AK9: variants seen among roughly 807,000 people sequenced by gnomAD.
AK9 encodes adenylate kinase 9, also known as adenylate kinase domain containing 1.
AK9 carries 191 observed loss-of-function variants against 239.6 expected under a neutral mutation model. The ratio of observed to expected loss-of-function variants is 0.80; its 90% CI spans 0.71 to 0.90. AK9 has a LOEUF of 0.90. Ranked by LOEUF, AK9 falls within the 40% of genes least tolerant of loss-of-function variation. The pLI is 0.00. For synonymous variants in AK9, 689 were observed against 721.0 expected (o/e 0.96, Z 0.71); for missense variants, 1,995 against 2,214.7 (o/e 0.90, Z 1.99).
rs756563989 is a variant in AK9 at position 109,671,923 on chromosome 6, G to A, written c.327C>T (p.His109=). 8 of 1,613,128 alleles carry A rather than the reference G, an allele frequency of 5.0e-6. No individual in the cohort carries two copies. The African/African-American group carries it at 8.0e-5, about 16-fold the overall frequency. ...AATATATTAAAATAAACATACCAAA[G>A]TGACAGACTTCTGGGGAGTTGAGCT... The part of the protein sequence containing the change: ...LEKLNSPEVC[H]FGYIITEIPS... The change falls in exon 5 of 41, where the codon CAC becomes CAT. Residue 109 remains histidine (H), a synonymous_variant. Transcript: ENST00000424296.
chr6:109,669,773 C>A (rs1288500457), intron 5 of AK9, among the ~76,000 whole-genome samples: 2 of 152,156 alleles, frequency 1.3e-5, no homozygotes, highest in African/African-American at 2.4e-5. Context: ...GATTTTCAAA[C>A]TGTATTTAGC....
rs1242783156 is a variant in AK9 at position 109,573,558 on chromosome 6, A to G, written c.2228T>C (p.Ile743Thr). Residue 743 changes from isoleucine to threonine, a missense_variant, in exon 21 of 41, where the codon ATT becomes ACT. Ile to Thr is a moderately conservative substitution (Grantham distance 89). This residue lies in a region of AK9 where 1,290 missense variants were observed against 1,392.7 expected (regional missense o/e 0.93). Coordinates refer to ENST00000424296, the MANE Select transcript of AK9 (RefSeq NM_001145128.3). The stretch of plus-strand genomic sequence containing the variant: ...GTGAACTTCCAACTCATCACCTTCA[A>G]TCTCCTCTTCATCCTCATTATCAGT... Reference protein sequence around the residue: ...EETDNEDEEEIEGDELEVHEE... With the variant: ...EETDNEDEEETEGDELEVHEE... 2 of 1,550,748 alleles carry G rather than the reference A, an allele frequency of 1.3e-6. No individual in the cohort carries two copies. The highest frequency in any genetic ancestry group is 2.4e-5 in the South Asian group (2 of 83,894).
At chr6:109,549,007 G>T (rs1783970497) in intron 25 of AK9, among the ~76,000 whole-genome samples, 1 of 152,068 alleles carries the variant, frequency 6.6e-6, no homozygotes, top group Non-Finnish European at 1.5e-5. Context: ...CTTCTGGAGG[G>T]CCAAAGAGCA....
chr6:109,576,988 G>A (rs982163101), intron 20 of AK9, among the ~76,000 whole-genome samples: 1 of 151,836 alleles, frequency 6.6e-6, no homozygotes, highest in Non-Finnish European at 1.5e-5. Context: ...CCGCCACCAC[G>A]CCCGGCTAAT....
At chr6:109,575,636 A>G (rs1270532738) in intron 20 of AK9, among the ~76,000 whole-genome samples, 1 of 151,594 alleles carries the variant, frequency 6.6e-6, no homozygotes, top group Non-Finnish European at 1.5e-5. Context: ...TTGTCTGTTT[A>G]CTCTGCTGAT....
Position 109,597,768 on chromosome 6 carries a change from G to C in AK9, c.1843-11696C>G, listed in dbSNP as rs761949535. Among the ~76,000 whole-genome samples the C allele has an allele frequency of 1.1e-4, 17 of 152,192 alleles. No individual in the cohort carries two copies. The East Asian group carries it at 2.1e-3, about 19-fold the overall frequency. ...AAGGCAGAAGAAGAGACAGAGGCAA[G>C]TTTCAGGGCAGAAGTGGAAGTTTAT... is the stretch of plus-strand genomic sequence containing the variant. On this transcript the variant is annotated intron_variant, in intron 17 of 40. Transcript: ENST00000424296.
At chr6:109,520,109 C>T (rs1217507190) in intron 29 of AK9, among the ~76,000 whole-genome samples, 1 of 151,904 alleles carries the variant, frequency 6.6e-6, no homozygotes, top group Non-Finnish European at 1.5e-5. Flanking sequence ...AGTCTTAGGT[C>T]CTTGTGGGAG....
In AK9 at chr6:109,671,772, C is replaced by G. The variant is rs186349426; in HGVS notation, c.331+147G>C. ...GAGAAATAAAAACAAGCAAATAAAA[C>G]CATCTGAGCTGTTCAACTGAATAGA... On this transcript the variant is annotated intron_variant, in intron 5 of 40. Coordinates refer to ENST00000424296, the MANE Select transcript of AK9 (RefSeq NM_001145128.3). 9 of 630,570 alleles carry G rather than the reference C, an allele frequency of 1.4e-5. No homozygotes were observed. The East Asian group carries it at 2.2e-4, about 16-fold the overall frequency. The allele number at this position is 630,570 out of a possible 1,614,324, so 39.1% of individuals were successfully genotyped here.
At chr6:109,677,064 G>A (rs1481032970) in intron 1 of AK9, among the ~76,000 whole-genome samples, 2 of 152,098 alleles carry the variant, frequency 1.3e-5, no homozygotes, top group African/African-American at 4.8e-5. Context: ...ACAAAGAATG[G>A]AACAACTGAT....
intron 8 of AK9, among the ~76,000 whole-genome samples, chr6:109,646,655 A>C (rs1169591234): frequency 6.6e-6 from 1 of 152,214 alleles, no homozygotes; most frequent in Admixed American, 6.5e-5. Context: ...CCTAAGTTGG[A>C]AAACACTCTT....
rs1005302600 is a variant in AK9, at chr6:109,564,977, T to C, written c.2345-132A>G. 1.7e-5 allele frequency: 10 copies of C among 587,350 alleles called. No individual in the cohort carries two copies. In the African/African-American group the frequency reaches 1.9e-4, roughly 11 times the overall value. 36.4% of individuals were successfully genotyped at this position (587,350 alleles called of 1,614,324 possible). On this transcript the variant is annotated intron_variant, in intron 21 of 40. Coordinates refer to ENST00000424296, the MANE Select transcript of AK9 (RefSeq NM_001145128.3). ...AATGCCTAATAGAAAGCAAAGTTCT[T>C]GTTAGGGAAAGAACGGCATAAGAAT...
intron 1 of AK9, among the ~76,000 whole-genome samples, chr6:109,687,061 A>G (rs1773614906): frequency 6.6e-6 from 1 of 152,224 alleles, no homozygotes; most frequent in African/African-American, 2.4e-5. Flanking sequence ...TTCATGGATG[A>G]ATCACAATAT....
At chr6:109,644,318 GC>G (rs1797778697) in intron 9 of AK9, among the ~76,000 whole-genome samples, 1 of 152,174 alleles carries the variant, frequency 6.6e-6, no homozygotes, top group Non-Finnish European at 1.5e-5. Flanking sequence ...GTTTTGACCT[GC>G]CTTTCCCTAA....
chr6:109,498,495 C>G (rs1777288445), intron 36 of AK9, among the ~76,000 whole-genome samples: 1 of 152,198 alleles, frequency 6.6e-6, no homozygotes, highest in Non-Finnish European at 1.5e-5. Flanking sequence ...TGTTCAGAGG[C>G]ATCTGTTTTT....
In AK9 at chr6:109,672,031, G is replaced by A; in HGVS notation, c.235-16C>T. The A allele has an allele frequency of 6.2e-7, 1 of 1,612,558 alleles. No individual in the cohort carries two copies. Among genetic ancestry groups the A allele is most frequent in the Non-Finnish European group, 8.5e-7 (1 of 1,178,752 alleles). On this transcript the variant is annotated splice_polypyrimidine_tract_variant and intron_variant, in intron 4 of 40. Transcript: ENST00000424296. The stretch of plus-strand genomic sequence containing the variant: ...TTGATTGCAACTAAGGACAAGCATA[G>A]ATATTGTACATTACTGTATAATATA...
chr6:109,577,282 G>A (rs1343773906), intron 20 of AK9, among the ~76,000 whole-genome samples: 2 of 152,152 alleles, frequency 1.3e-5, no homozygotes, highest in Non-Finnish European at 2.9e-5. Context: ...TTTACATAGT[G>A]TATCACATTT....
chr6:109,645,310 G>A (rs1247681677), intron 8 of AK9, among the ~76,000 whole-genome samples: 1 of 152,200 alleles, frequency 6.6e-6, no homozygotes, highest in Non-Finnish European at 1.5e-5. Context: ...CTAGCCAAGG[G>A]AAAGTGTTTC....
intron 26 of AK9, among the ~76,000 whole-genome samples, chr6:109,544,616 T>A (rs1246101398): frequency 1.3e-5 from 2 of 152,186 alleles, no homozygotes; most frequent in Non-Finnish European, 2.9e-5. Flanking sequence ...GATTGTAAGT[T>A]TTCTAAGGCC....
chr6:109,675,678 C>G lies in AK9; in HGVS notation c.68G>C (p.Arg23Thr), dbSNP rs550258788. 6.3e-7 allele frequency: 1 copy of G among 1,597,232 alleles called. No individual in the cohort carries two copies. The highest frequency in any genetic ancestry group is 2.3e-5 in the East Asian group (1 of 43,486). Residue 23 changes from arginine (R) to threonine (T), a missense_variant, in exon 2 of 41, where the codon AGG becomes ACG. Arg to Thr is a moderately conservative substitution (Grantham distance 71). Coordinates refer to ENST00000424296, the MANE Select transcript of AK9 (RefSeq NM_001145128.3). The part of the protein sequence containing the change: ...ADIFDEDETE[R>T]NFLLSKPVCF... The stretch of plus-strand genomic sequence containing the variant: ...AACAGGTTTGGACAACAAAAAATTC[C>G]TTTCAGTTTCATCTTCATCAAATAT...
Sources: gnomAD v4.1 joint callset for allele counts (sites outside exome capture counted in the v4.1 genomes callset) on GRCh38, gnomAD v4.1.1 for gene constraint, gnomAD v4.1.1 regional missense constraint, MANE v1.5 for transcripts, NCBI Gene and HGNC (gene_info 2026-07-23, HGNC 2026-07-21) for gene names.